CARD8: variants seen among roughly 807,000 people sequenced by gnomAD.
CARD8 encodes the protein caspase recruitment domain family member 8.
In CARD8, 38 loss-of-function variants were observed where a neutral mutation model predicts 53.2. That is an observed-to-expected ratio of 0.71 (90% CI 0.55 to 0.94). The LOEUF (loss-of-function observed/expected upper bound fraction) is 0.94, where lower values mean the gene tolerates loss of function less well. Ranked by LOEUF, CARD8 falls within the 40% of genes least tolerant of loss-of-function variation. The pLI is 0.00. For missense variants in CARD8, 561 were observed against 655.5 expected (o/e 0.86, Z 1.57); for synonymous variants, 245 against 244.9 (o/e 1.00, Z 0.00).
Position 48,234,437 on chromosome 19 carries a change from G to T in CARD8, c.316C>A (p.Pro106Thr). The T allele has an allele frequency of 6.2e-7, 1 of 1,613,696 alleles. No individual in the cohort carries two copies. Among genetic ancestry groups the T allele is most frequent in the Non-Finnish European group, 8.5e-7 (1 of 1,179,832 alleles). Reference sequence around the variant, plus strand: ...TCCCCCCCAGATAGTTGACACTCAGGAACAGCACGGAACAATAATGGCTCT... The same window carrying T: ...TCCCCCCCAGATAGTTGACACTCAGTAACAGCACGGAACAATAATGGCTCT... ...EAEPLLFRAV[P>T]ECQLSGGDIP... Residue 106 changes from proline to threonine, a missense_variant, in exon 6 of 14, where the codon CCT becomes ACT. Transcript: ENST00000651546.
downstream of CARD8, among the ~76,000 whole-genome samples, chr19:48,205,426 C>T (rs1394083564): frequency 6.6e-6 from 1 of 152,090 alleles, no homozygotes; most frequent in Non-Finnish European, 1.5e-5. Flanking sequence ...GAAGGGGTTT[C>T]ACCATGTTGG....
chr19:48,247,157 C>G (rs2046257941), intron 3 of CARD8, among the ~76,000 whole-genome samples: 2 of 152,098 alleles, frequency 1.3e-5, no homozygotes, highest in Admixed American at 1.3e-4. Context: ...AACCCCGTCT[C>G]TACGAAAAAT....
At chr19:48,237,914 A>G (rs11882887) in intron 5 of CARD8, among the ~76,000 whole-genome samples, 6,056 of 152,104 alleles carry the variant, frequency 0.04, 389 homozygotes, top group African/African-American at 0.13. Context: ...TTTTTGAGAC[A>G]AAGCCTCACT....
chr19:48,232,758 CAGA>C (rs2043151147), intron 6 of CARD8: 2 of 622,924 alleles, frequency 3.2e-6, no homozygotes, highest in South Asian at 3.0e-5. Context: ...CCCGTCATCA[CAGA>C]AAGTTCTCTT....
At position 48,209,879 on chromosome 19, in the gene CARD8, CCTT is replaced by C. The variant is rs2037728960; in HGVS notation, c.*1828_*1830del. ...TCTTTCAAAATTCTTATTTTGAAGG[CCTT>C]CTGGGCATATAAGCTATTGGAACTT... On this transcript the variant is annotated 3_prime_UTR_variant, in exon 14 of 14. Transcript: ENST00000651546. The C allele has an allele frequency of 6.6e-6, 1 of 152,250 alleles. No homozygotes were observed. Among genetic ancestry groups the C allele is most frequent in the African/African-American group, 2.4e-5 (1 of 41,422 alleles). 9.4% of individuals were successfully genotyped at this position (152,250 alleles called of 1,614,324 possible).
chr19:48,222,344 AAC>A (rs2040818734), intron 10 of CARD8, among the ~76,000 whole-genome samples: 2 of 152,154 alleles, frequency 1.3e-5, no homozygotes, highest in Non-Finnish European at 2.9e-5. Flanking sequence ...AGCGAGCAGA[AAC>A]AGTCACCTCT....
intron 6 of CARD8, chr19:48,232,761 A>G (rs907870973): frequency 1.6e-6 from 1 of 619,960 alleles, no homozygotes; most frequent in Non-Finnish European, 3.0e-6. Flanking sequence ...GTCATCACAG[A>G]AAGTTCTCTT....
intron 7 of CARD8, chr19:48,232,243 G>T: frequency 1.6e-6 from 1 of 610,010 alleles, no homozygotes; most frequent in East Asian, 2.8e-5. Flanking sequence ...CAGCCACCAG[G>T]ACCACCCACT....
chr19:48,207,720 A>G (rs7249085), downstream of CARD8, among the ~76,000 whole-genome samples: 44,930 of 97,288 alleles, frequency 0.46, 7,701 homozygotes, highest in East Asian at 0.6. Context: ...CTTCTTTTTT[A>G]TTGTTGTTTT....
At chr19:48,246,233 T>C (rs1177695372) in intron 3 of CARD8, among the ~76,000 whole-genome samples, 3 of 152,228 alleles carry the variant, frequency 2.0e-5, no homozygotes, top group Non-Finnish European at 4.4e-5. Flanking sequence ...GCTGAGGTCA[T>C]GCATGTTTGT....
chr19:48,248,565 G>A (rs2046485118), intron 3 of CARD8, among the ~76,000 whole-genome samples: 2 of 152,218 alleles, frequency 1.3e-5, no homozygotes, highest in South Asian at 2.1e-4. Flanking sequence ...AATACTGATG[G>A]AAATAAGAAA....
At chr19:48,212,022 G>C (rs1315388822) in intron 13 of CARD8, 47 bp from the exon 14 acceptor site, 1 of 1,573,334 alleles carries the variant, frequency 6.4e-7, no homozygotes, top group African/African-American at 1.4e-5. Flanking sequence ...TTCACTTACA[G>C]GATTCAGGAT....
intron 1 of CARD8, among the ~76,000 whole-genome samples, chr19:48,251,265 G>A (rs1040047710): frequency 1.1e-4 from 16 of 152,296 alleles, no homozygotes; most frequent in South Asian, 4.1e-4. Flanking sequence ...AGAAAAGGTC[G>A]AATTAAGTGA....
At chr19:48,212,534 T>C (rs1207949798) in intron 13 of CARD8, among the ~76,000 whole-genome samples, 1 of 152,222 alleles carries the variant, frequency 6.6e-6, no homozygotes, top group East Asian at 1.9e-4. Flanking sequence ...ATAATGTCTG[T>C]ATAAACTTGG....
chr19:48,233,849 A>AAGTCTATG (rs1382187889), intron 6 of CARD8: 1,688 of 161,422 alleles, frequency 0.01, 35 homozygotes, highest in African/African-American at 0.039. Context: ...TCATTTTTCT[A>AAGTCTATG]CACTTTTCAG....
At chr19:48,220,463 G>A (rs192657120) in intron 11 of CARD8, among the ~76,000 whole-genome samples, 12 of 152,208 alleles carry the variant, frequency 7.9e-5, no homozygotes, top group East Asian at 1.9e-4. Context: ...ACATTGGTCC[G>A]TCCCATTCTG....
At chr19:48,212,166 G>A (rs954971163) in intron 13 of CARD8, among the ~76,000 whole-genome samples, 191 bp from the exon 14 acceptor site, 1 of 152,212 alleles carries the variant, frequency 6.6e-6, no homozygotes, top group Admixed American at 6.5e-5. Context: ...GCATTGAGGT[G>A]TCTCAAATAA....
chr19:48,222,517 C>T lies in CARD8; in HGVS notation c.1036-662G>A, dbSNP rs553462736. Among the ~76,000 whole-genome samples the T allele has an allele frequency of 1.9e-4, 29 of 152,248 alleles. No homozygotes were observed. The South Asian group carries it at 3.5e-3, about 18-fold the overall frequency. ...CAGCGTGGCCAGCATGGCGAAACCC[C>T]GTCTCTACTAAAAATATAAAAATTA... On this transcript the variant is annotated intron_variant, in intron 10 of 13. Coordinates refer to ENST00000651546, the MANE Select transcript of CARD8 (RefSeq NM_001184900.3).
chr19:48,230,519 G>A lies in CARD8; in HGVS notation c.954C>T (p.Asn318=). 6.2e-7 allele frequency: 1 copy of A among 1,614,176 alleles called. No homozygotes were observed. The highest frequency in any genetic ancestry group is 8.5e-7 in the Non-Finnish European group (1 of 1,180,016). ...GGTGGGGGTGATAATAGATCAATGTGTTGGAAGTGATGGGGATGGAGAGGC... is the reference window on the plus strand; with the variant it reads ...GGTGGGGGTGATAATAGATCAATGTATTGGAAGTGATGGGGATGGAGAGGC... ...GTRLSIPITS[N]TLIYYHPHPE... is the part of the protein sequence containing the mutation. The change falls in exon 10 of 14, where the codon AAC becomes AAT. Residue 318 remains asparagine (N), a synonymous_variant. Coordinates refer to ENST00000651546, the MANE Select transcript of CARD8 (RefSeq NM_001184900.3).
Sources: allele counts gnomAD v4.1 joint callset (sites outside exome capture counted in the v4.1 genomes callset), GRCh38; gene constraint gnomAD v4.1.1; transcripts MANE v1.5; gene names NCBI Gene and HGNC (gene_info 2026-07-23, HGNC 2026-07-21).